The following SHCBP1L variants were observed in gnomAD, a reference collection of about 807,000 sequenced individuals.
SHCBP1L encodes SHC binding and spindle associated 1 like.
Under a neutral mutation model 62.5 loss-of-function variants are expected in SHCBP1L, and 67 were observed. That is an observed-to-expected ratio of 1.07 (90% CI 0.88 to 1.31). The LOEUF (loss-of-function observed/expected upper bound fraction) is 1.31. Among genes scored for constraint, SHCBP1L ranks in the 40% most tolerant of loss-of-function variants. SHCBP1L has a pLI of 0.00. For missense variants in SHCBP1L, 823 were observed against 809.8 expected (o/e 1.02, Z -0.20); for synonymous variants, 284 against 289.4 (o/e 0.98, Z 0.19).
chr1:182,940,025 A>G lies in SHCBP1L; in HGVS notation c.770+304T>C, dbSNP rs187886327. The stretch of plus-strand genomic sequence containing the variant: ...AGAAATGAATGTTAATAAATTTAAG[A>G]TGCTTAAATATGAATAGAAGTTAAT... On this transcript the variant is annotated intron_variant, in intron 3 of 9. Coordinates refer to ENST00000367547, the MANE Select transcript of SHCBP1L (RefSeq NM_030933.4). Among the ~76,000 whole-genome samples, 196 of 152,282 alleles carry G rather than the reference A, an allele frequency of 1.3e-3. 1 individual carries two copies. Among genetic ancestry groups the G allele is most frequent in the Non-Finnish European group, 3.2e-4 (22 of 68,022 alleles).
At chr1:182,901,463 A>AG (rs2101916290) in intron 9 of SHCBP1L, among the ~76,000 whole-genome samples, 1 of 152,322 alleles carries the variant, frequency 6.6e-6, no homozygotes, top group South Asian at 2.1e-4. Flanking sequence ...ATCTCAAAAA[A>AG]GAAAAAAAAG....
intron 6 of SHCBP1L, among the ~76,000 whole-genome samples, chr1:182,926,988 AG>A (rs1393742035): frequency 6.8e-6 from 1 of 147,778 alleles, no homozygotes; most frequent in African/African-American, 2.5e-5. Flanking sequence ...TCACCTAACT[AG>A]TAAGTGGCAA....
At chr1:182,935,044 A>G (rs748070249) in intron 5 of SHCBP1L, among the ~76,000 whole-genome samples, 18 of 151,982 alleles carry the variant, frequency 1.2e-4, no homozygotes, top group Non-Finnish European at 2.1e-4. Context: ...TCACTGTTCT[A>G]TCTGTCTCTT....
chr1:182,940,195 TG>T, intron 3 of SHCBP1L, 133 bp downstream of exon 3: 1 of 620,290 alleles, frequency 1.6e-6, no homozygotes, highest in Non-Finnish European at 2.6e-6. Context: ...TAATTTAAAA[TG>T]GACAAATTTA....
chr1:182,953,067 C>T lies in SHCBP1L; in HGVS notation c.67G>A (p.Gly23Ser), dbSNP rs1380533813. 5.8e-6 allele frequency: 9 copies of T among 1,549,366 alleles called. No homozygotes were observed. In the South Asian group the frequency reaches 5.9e-5, roughly 10 times the overall value. The change falls in exon 1 of 10, where the codon GGC becomes AGC. Residue 23 changes from glycine to serine, a missense_variant. Physicochemically the swap from Gly to Ser is moderately conservative, Grantham distance 56. Coordinates refer to ENST00000367547, the MANE Select transcript of SHCBP1L (RefSeq NM_030933.4). ...GAGACAGCGGAGGCGGACTTCTCGC[C>T]TCGCCTGTCCGGGCTGATGGTGCGG... ...SFRTISPDRRGEKSASAVSGD... is the reference protein window; with the variant it reads ...SFRTISPDRRSEKSASAVSGD...
intron 6 of SHCBP1L, among the ~76,000 whole-genome samples, chr1:182,918,833 C>T (rs1278125165): frequency 6.6e-6 from 1 of 152,000 alleles, no homozygotes; most frequent in Non-Finnish European, 1.5e-5. Flanking sequence ...AACTGAAAAT[C>T]CAGAAATAAA....
chr1:182,951,184 A>G, intron 2 of SHCBP1L, 134 bp downstream of exon 2: 1 of 649,014 alleles, frequency 1.5e-6, no homozygotes, highest in South Asian at 4.5e-5. Flanking sequence ...TTACACTATT[A>G]ATTTTCTCGG....
intron 6 of SHCBP1L, among the ~76,000 whole-genome samples, chr1:182,928,271 A>T (rs918319889): frequency 3.9e-5 from 6 of 152,096 alleles, no homozygotes; most frequent in Admixed American, 2.0e-4. Flanking sequence ...TAATTTATTC[A>T]TTCACCAAAA....
chr1:182,917,607 G>A (rs1317950158), intron 6 of SHCBP1L, among the ~76,000 whole-genome samples: 2 of 152,120 alleles, frequency 1.3e-5, no homozygotes, highest in Admixed American at 1.3e-4. Flanking sequence ...AACAGATTTG[G>A]TTTCTTCTGA....
In SHCBP1L at chr1:182,920,527, G is replaced by A. The variant is rs750325862; in HGVS notation, c.1182+9120C>T. On this transcript the variant is annotated intron_variant, in intron 6 of 9. Transcript: ENST00000367547. The stretch of plus-strand genomic sequence containing the variant: ...TAAAAAGCCAGAGTGTCTTCTTACC[G>A]CCAAACAACCACACTAATTCCCCAT... 3.9e-5 allele frequency among the ~76,000 whole-genome samples: 6 copies of A among 152,250 alleles called. No individual in the cohort carries two copies. In the East Asian group the frequency reaches 7.7e-4, roughly 20 times the overall value.
intron 6 of SHCBP1L, among the ~76,000 whole-genome samples, chr1:182,916,490 C>G (rs1012167063): frequency 9.2e-5 from 14 of 151,936 alleles, no homozygotes; most frequent in African/African-American, 3.4e-4. Flanking sequence ...GCACAAACAA[C>G]TAAAATCAGA....
Position 182,904,436 on chromosome 1 carries a change from T to C in SHCBP1L, c.1337-6A>G. 2 of 1,613,492 alleles carry C rather than the reference T, an allele frequency of 1.2e-6. No homozygotes were observed. The highest frequency in any genetic ancestry group is 1.7e-6 in the Non-Finnish European group (2 of 1,179,804). On this transcript the variant is annotated splice_region_variant and splice_polypyrimidine_tract_variant and intron_variant, in intron 7 of 9. Transcript: ENST00000367547. Reference sequence around the variant, plus strand: ...TTCCTCTCTCTTTCCAACTCCTGATTCATAGGGATAAAAATACATTAAATC... The same window carrying C: ...TTCCTCTCTCTTTCCAACTCCTGATCCATAGGGATAAAAATACATTAAATC...
intron 2 of SHCBP1L, among the ~76,000 whole-genome samples, chr1:182,950,159 A>G (rs1159776292): frequency 1.3e-5 from 2 of 152,218 alleles, no homozygotes; most frequent in Admixed American, 1.3e-4. Flanking sequence ...AGTAGTATAT[A>G]ATACAACAAG....
intron 2 of SHCBP1L, among the ~76,000 whole-genome samples, chr1:182,943,425 T>C (rs2101955380): frequency 6.7e-6 from 1 of 150,130 alleles, no homozygotes; most frequent in Middle Eastern, 3.4e-3. Flanking sequence ...CCTGGCCTAG[T>C]TTTTTTTGTT....
At position 182,903,073 on chromosome 1, in the gene SHCBP1L, C is replaced by A. The variant is rs528204098; in HGVS notation, c.1676G>T (p.Ser559Ile). The change falls in exon 9 of 10, where the codon AGT becomes ATT. Residue 559 changes from serine (S) to isoleucine (I), a missense_variant. Physicochemically the swap from Ser to Ile is moderately radical, Grantham distance 142. Transcript: ENST00000367547. ...AACTCCACCTAAGGTGCTTTTTGAA[C>A]TGTTACTGGTTCTGAGGTTATTACA... Reference protein sequence around the residue: ...HHCNNLRTSNSSKSTLGGVNM... With the variant: ...HHCNNLRTSNISKSTLGGVNM... 5 of 1,597,598 alleles carry A rather than the reference C, an allele frequency of 3.1e-6. No individual in the cohort carries two copies. The highest frequency in any genetic ancestry group is 3.4e-6 in the Non-Finnish European group (4 of 1,172,284).
intron 5 of SHCBP1L, among the ~76,000 whole-genome samples, chr1:182,932,630 G>C (rs1351816171): frequency 6.6e-6 from 1 of 151,856 alleles, no homozygotes; most frequent in Non-Finnish European, 1.5e-5. Context: ...AAGTAGCTGG[G>C]ACAACTGGCC....
At position 182,929,720 on chromosome 1, in the gene SHCBP1L, C is replaced by T; in HGVS notation, c.1109G>A (p.Arg370Lys). The change falls in exon 6 of 10, where the codon AGG becomes AAG. Residue 370 changes from arginine to lysine, a missense_variant. Physicochemically the swap from Arg to Lys is conservative, Grantham distance 26. Coordinates refer to ENST00000367547, the MANE Select transcript of SHCBP1L (RefSeq NM_030933.4). ...VHGPFFPRILRRRKGKREFGK... is the reference protein window; with the variant it reads ...VHGPFFPRILKRRKGKREFGK... Reference sequence around the variant, plus strand: ...AAATTCTCTTTTTCCTTTCCTACGCCTCAGAATTCTTGGAAAGAAAGGTCC... The same window carrying T: ...AAATTCTCTTTTTCCTTTCCTACGCTTCAGAATTCTTGGAAAGAAAGGTCC... 1 of 1,590,670 alleles carries T rather than the reference C, an allele frequency of 6.3e-7. No individual in the cohort carries two copies. Among genetic ancestry groups the T allele is most frequent in the Non-Finnish European group, 8.5e-7 (1 of 1,174,226 alleles).
chr1:182,933,523 G>GT (rs1170674271), intron 5 of SHCBP1L, among the ~76,000 whole-genome samples: 5 of 151,768 alleles, frequency 3.3e-5, no homozygotes, highest in South Asian at 4.1e-4. Context: ...TCTATTCCAA[G>GT]TTTTTTTTAG....
intron 5 of SHCBP1L, among the ~76,000 whole-genome samples, chr1:182,933,617 T>C (rs538391384): frequency 5.0e-4 from 76 of 152,260 alleles, no homozygotes; most frequent in African/African-American, 1.7e-3. Context: ...TTTTTTATTC[T>C]ATTAATATTA....
Sources: allele counts gnomAD v4.1 joint callset (sites outside exome capture counted in the v4.1 genomes callset), GRCh38; gene constraint gnomAD v4.1.1; transcripts MANE v1.5; gene names NCBI Gene and HGNC (gene_info 2026-07-23, HGNC 2026-07-21).